The following CRIM1 variants were observed in gnomAD, a reference collection of about 807,000 sequenced individuals.
CRIM1 encodes cysteine-rich motor neuron 1 protein.
A neutral mutation model predicts 116.4 loss-of-function variants in CRIM1; 32 were observed. That is an observed-to-expected ratio of 0.27 (90% CI 0.21 to 0.37). CRIM1 has a LOEUF of 0.37. Ranked by LOEUF, CRIM1 falls within the 10% of genes least tolerant of loss-of-function variation. The probability of loss-of-function intolerance (pLI) is 1.00; values close to 1 mark genes in which losing one functional copy is unlikely to be tolerated. For synonymous variants in CRIM1, 590 were observed against 509.2 expected, an observed-to-expected ratio of 1.16 and a Z score of -2.13; for missense variants, 1,331 against 1,354.8, an observed-to-expected ratio of 0.98 and a Z score of 0.28.
At chr2:36,539,955 C>T (rs1281887975) in intron 14 of CRIM1, among the ~76,000 whole-genome samples, 3 of 151,846 alleles carry the variant, frequency 2.0e-5, no homozygotes, top group East Asian at 1.9e-4. Flanking sequence ...ATGAGAGCAC[C>T]GAAGGGTAAG....
intron 7 of CRIM1, among the ~76,000 whole-genome samples, chr2:36,487,860 T>C (rs1004423233): frequency 2.6e-5 from 4 of 152,224 alleles, no homozygotes; most frequent in African/African-American, 9.6e-5. Context: ...TAGAGGCATG[T>C]ATTTAAATGG....
chr2:36,508,299 T>C (rs1681572624), intron 8 of CRIM1, among the ~76,000 whole-genome samples: 1 of 152,198 alleles, frequency 6.6e-6, no homozygotes, highest in Admixed American at 6.5e-5. Context: ...AGATAGCAAA[T>C]TAAATATGCA....
In CRIM1 at chr2:36,537,395, G is replaced by A; in HGVS notation, c.2472G>A (p.Lys824=). 6.2e-7 allele frequency: 1 copy of A among 1,614,208 alleles called. No individual in the cohort carries two copies. Among genetic ancestry groups the A allele is most frequent in the African/African-American group, 1.3e-5 (1 of 75,066 alleles). The part of the protein sequence containing the change: ...PKKVVCHFSG[K]AYADEERWDL... Reference sequence around the variant, plus strand: ...AGGTGGTGTGCCACTTCAGTGGGAAGGCCTATGCCGACGAGGAGCGGTGGG... The same window carrying A: ...AGGTGGTGTGCCACTTCAGTGGGAAAGCCTATGCCGACGAGGAGCGGTGGG... Residue 824 remains lysine, a synonymous_variant, in exon 14 of 17, where the codon AAG becomes AAA. Coordinates refer to ENST00000280527, the MANE Select transcript of CRIM1 (RefSeq NM_016441.3).
rs769772861 is a variant in CRIM1 at position 36,544,388 on chromosome 2, C to T, written c.2636C>T (p.Pro879Leu). 3.6e-6 allele frequency: 5 copies of T among 1,376,776 alleles called. No homozygotes were observed. The highest frequency in any genetic ancestry group is 4.7e-6 in the Non-Finnish European group (5 of 1,056,728). 85.3% of individuals were successfully genotyped at this position (1,376,776 alleles called of 1,614,324 possible). A position where few individuals can be genotyped will look rare whatever the true frequency, so the allele number is the denominator to read the frequency against. ...CCPMCPEMYV[P>L]EPTNIPIEKT... is the part of the protein sequence containing the mutation. ...TCCCTTCTTTTAGAAATGTATGTCC[C>T]AGAACCAACCAATATACCCATTGAG... Residue 879 changes from proline (P) to leucine (L), a missense_variant, in exon 15 of 17, where the codon CCA becomes CTA. This residue lies in a region of CRIM1 where 283 missense variants were observed against 242.8 expected (regional missense o/e 1.17). Transcript: ENST00000280527.
intron 1 of CRIM1, chr2:36,379,349 A>G (rs1486755700): frequency 7.2e-5 from 11 of 152,190 alleles, no homozygotes; most frequent in Non-Finnish European, 1.6e-4. Flanking sequence ...CTCTCACCCA[A>G]ACTGAAGTGG....
chr2:36,473,835 C>T (rs1183467961), intron 5 of CRIM1, among the ~76,000 whole-genome samples: 1 of 152,042 alleles, frequency 6.6e-6, no homozygotes, highest in Non-Finnish European at 1.5e-5. Context: ...GTTTATAGTG[C>T]TTTTTTGTGG....
At chr2:36,544,328 A>G in intron 14 of CRIM1, 48 bp from the exon 15 acceptor site, 1 of 1,316,104 alleles carries the variant, frequency 7.6e-7, no homozygotes, top group Non-Finnish European at 9.8e-7. Context: ...AAAAGCCAAC[A>G]ATACAGCAGC....
intron 7 of CRIM1, among the ~76,000 whole-genome samples, chr2:36,488,307 C>T (rs536371023): frequency 3.3e-5 from 5 of 152,188 alleles, no homozygotes; most frequent in Admixed American, 6.5e-5. Context: ...ACGCCTCTTG[C>T]GCATGTGTGG....
chr2:36,376,529 A>T (rs1437697530), intron 1 of CRIM1, among the ~76,000 whole-genome samples: 1 of 152,096 alleles, frequency 6.6e-6, no homozygotes, highest in African/African-American at 2.4e-5. Flanking sequence ...GGCTGTGGGG[A>T]TACGAGAATG....
rs760868082 is a variant in CRIM1, at chr2:36,522,098, C to T, written c.2213C>T (p.Pro738Leu). ...DSCCPQCTDQPFRPSLSRNNS... is the reference protein window; with the variant it reads ...DSCCPQCTDQLFRPSLSRNNS... ...TATATGTTCATTTTTCCAGATCAACCTTTTCGGCCTTCCTTGTCCCGCAAT... is the reference window on the plus strand; with the variant it reads ...TATATGTTCATTTTTCCAGATCAACTTTTTCGGCCTTCCTTGTCCCGCAAT... The change falls in exon 13 of 17, where the codon CCT becomes CTT. Residue 738 changes from proline to leucine, a missense_variant. By Grantham distance (98) the Pro-to-Leu change is moderately conservative. Transcript: ENST00000280527. 6.2e-7 allele frequency: 1 copy of T among 1,614,064 alleles called. No homozygotes were observed. Among genetic ancestry groups the T allele is most frequent in the Non-Finnish European group, 8.5e-7 (1 of 1,179,912 alleles).
intron 4 of CRIM1, among the ~76,000 whole-genome samples, chr2:36,452,304 A>G (rs1378802190): frequency 6.6e-6 from 1 of 152,224 alleles, no homozygotes; most frequent in Non-Finnish European, 1.5e-5. Context: ...GACTCCTGAC[A>G]TACTATTATG....
At chr2:36,487,041 G>A (rs905034729) in intron 7 of CRIM1, among the ~76,000 whole-genome samples, 6 of 152,020 alleles carry the variant, frequency 3.9e-5, no homozygotes, top group Non-Finnish European at 8.8e-5. Context: ...TAGCAGAATT[G>A]GTTTACTTTT....
At chr2:36,398,166 C>A (rs937853056) in intron 2 of CRIM1, among the ~76,000 whole-genome samples, 4 of 152,170 alleles carry the variant, frequency 2.6e-5, no homozygotes, top group African/African-American at 9.7e-5. Context: ...TAAACTTACT[C>A]ATATAAAGTC....
chr2:36,387,820 C>T (rs902039900), intron 1 of CRIM1, among the ~76,000 whole-genome samples: 2 of 152,188 alleles, frequency 1.3e-5, no homozygotes. Context: ...AATAATCTTT[C>T]TCAAGAACCA....
chr2:36,487,428 C>T (rs1365349604), intron 7 of CRIM1, among the ~76,000 whole-genome samples: 2 of 152,020 alleles, frequency 1.3e-5, no homozygotes, highest in Non-Finnish European at 2.9e-5. Context: ...ATTTTTGGTG[C>T]CTCTCTTTTG....
chr2:36,394,591 G>T (rs530736389), intron 1 of CRIM1, among the ~76,000 whole-genome samples: 1 of 151,800 alleles, frequency 6.6e-6, no homozygotes, highest in East Asian at 1.9e-4. Flanking sequence ...GTGTGTGTGT[G>T]TATGTTGCTT....
intron 13 of CRIM1, among the ~76,000 whole-genome samples, chr2:36,532,833 G>T (rs1437017565): frequency 6.6e-6 from 1 of 152,188 alleles, no homozygotes; most frequent in Non-Finnish European, 1.5e-5. Context: ...AGATCAAATG[G>T]CATTGATGCA....
Position 36,534,404 on chromosome 2 carries a change from G to C in CRIM1, c.2429-2948G>C, listed in dbSNP as rs376848753. ...AAGGGAGGGAGGGGGAAGGAAGGAA[G>C]GGAAAAATACAGACAGGAAGGAAGG... On this transcript the variant is annotated intron_variant, in intron 13 of 16. Coordinates refer to ENST00000280527, the MANE Select transcript of CRIM1 (RefSeq NM_016441.3). Among the ~76,000 whole-genome samples the C allele has an allele frequency of 1.8e-4, 26 of 141,464 alleles. No individual in the cohort carries two copies. In the South Asian group the frequency reaches 6.1e-3, roughly 33 times the overall value. The allele number at this position is 141,464 out of a possible 152,430, so 92.8% of individuals were successfully genotyped here.
chr2:36,524,320 C>T (rs924753443), intron 13 of CRIM1, among the ~76,000 whole-genome samples: 1 of 152,168 alleles, frequency 6.6e-6, no homozygotes, highest in African/African-American at 2.4e-5. Flanking sequence ...CCAAAATTCA[C>T]GCAACAAAAT....
Sources: gnomAD v4.1 joint callset for allele counts (sites outside exome capture counted in the v4.1 genomes callset) on GRCh38, gnomAD v4.1.1 for gene constraint, gnomAD v4.1.1 regional missense constraint, MANE v1.5 for transcripts, NCBI Gene and HGNC (gene_info 2026-07-23, HGNC 2026-07-21) for gene names.